Variants in FRMD4A observed in about 807,000 individuals in gnomAD.
The protein encoded by FRMD4A is FERM domain containing 4A.
FRMD4A carries 29 observed loss-of-function variants against 129.1 expected under a neutral mutation model. That is an observed-to-expected ratio of 0.22 (90% CI 0.17 to 0.31). FRMD4A has a LOEUF of 0.31. Among genes scored for constraint, FRMD4A ranks in the 10% least tolerant of loss-of-function variants. FRMD4A has a pLI of 1.00. For missense variants in FRMD4A, 1,272 were observed against 1,375.8 expected, an observed-to-expected ratio of 0.92 and a Z score of 1.19; for synonymous variants, 634 against 571.6, an observed-to-expected ratio of 1.11 and a Z score of -1.56.
intron 2 of FRMD4A, among the ~76,000 whole-genome samples, chr10:13,877,577 G>A (rs548766363): frequency 2.6e-5 from 4 of 152,338 alleles, no homozygotes; most frequent in South Asian, 4.1e-4. Flanking sequence ...TTGGGGACCC[G>A]TAGTGCTTCC....
intron 2 of FRMD4A, among the ~76,000 whole-genome samples, chr10:13,934,366 A>T (rs995315348): frequency 6.6e-6 from 1 of 152,214 alleles, no homozygotes; most frequent in African/African-American, 2.4e-5. Context: ...TCCTCCACAA[A>T]TGTCTACGGA....
intron 2 of FRMD4A, among the ~76,000 whole-genome samples, chr10:14,251,811 T>C (rs1353487482): frequency 6.6e-6 from 1 of 152,166 alleles, no homozygotes; most frequent in East Asian, 1.9e-4. Context: ...TGTCCCTTCA[T>C]TTTTTGATGG....
chr10:14,065,652 C>T (rs190699876), intron 2 of FRMD4A, among the ~76,000 whole-genome samples: 63 of 152,184 alleles, frequency 4.1e-4, no homozygotes, highest in African/African-American at 1.3e-3. Flanking sequence ...ACTAAAATAT[C>T]GAGAAACAGA....
chr10:14,307,167 A>G (rs1159938138), intron 2 of FRMD4A, among the ~76,000 whole-genome samples: 16 of 152,328 alleles, frequency 1.1e-4, no homozygotes, highest in Admixed American at 8.5e-4. Context: ...TTGAGAAAAC[A>G]TTTGCATTCA....
intron 12 of FRMD4A, among the ~76,000 whole-genome samples, chr10:13,715,131 A>G (rs529206321): frequency 6.6e-6 from 1 of 152,116 alleles, no homozygotes; most frequent in East Asian, 1.9e-4. Context: ...AGTATTCATG[A>G]CTCTTGTTTA....
chr10:13,645,313 A>AT lies in FRMD4A; in HGVS notation c.*1724_*1725insA, dbSNP rs1405050713. 6.6e-6 allele frequency: 1 copy of AT among 151,232 alleles called. No homozygotes were observed. The highest frequency in any genetic ancestry group is 6.6e-5 in the Admixed American group (1 of 15,202). The allele number at this position is 151,232 out of a possible 1,614,324, so 9.4% of individuals were successfully genotyped here. On this transcript the variant is annotated 3_prime_UTR_variant, in exon 25 of 25. Coordinates refer to ENST00000357447, the MANE Select transcript of FRMD4A (RefSeq NM_018027.5). ...ACCCTGGCTCCTGTCCCTGGCTGTC[A>AT]ATGCCTTTCCAATAGGAAGTCATTA...
chr10:13,742,345 C>A (rs535784207), intron 9 of FRMD4A, among the ~76,000 whole-genome samples: 1 of 152,258 alleles, frequency 6.6e-6, no homozygotes, highest in African/African-American at 2.4e-5. Context: ...CCCAACCCCA[C>A]CTGCTGAGGT....
At chr10:14,265,424 C>A (rs1844944349) in intron 2 of FRMD4A, among the ~76,000 whole-genome samples, 1 of 152,142 alleles carries the variant, frequency 6.6e-6, no homozygotes, top group Non-Finnish European at 1.5e-5. Flanking sequence ...CCATAAAGAT[C>A]CAAGGCTGAC....
intron 2 of FRMD4A, among the ~76,000 whole-genome samples, chr10:14,093,108 G>C (rs944076275): frequency 1.3e-5 from 2 of 152,170 alleles, no homozygotes; most frequent in Non-Finnish European, 2.9e-5. Context: ...GGGAGGTACA[G>C]AGGCCGTGGA....
At chr10:13,834,296 A>G (rs2093838853) in intron 3 of FRMD4A, among the ~76,000 whole-genome samples, 1 of 152,052 alleles carries the variant, frequency 6.6e-6, no homozygotes, top group East Asian at 1.9e-4. Context: ...ACAAAACAAA[A>G]ACCACCACCA....
intron 3 of FRMD4A, among the ~76,000 whole-genome samples, chr10:13,849,440 G>T (rs528932472): frequency 2.6e-5 from 4 of 151,526 alleles, no homozygotes; most frequent in East Asian, 3.9e-4. Context: ...CATGCACTTT[G>T]GGGGGGATTC....
At chr10:13,704,654 A>G (rs2087227165) in intron 13 of FRMD4A, among the ~76,000 whole-genome samples, 1 of 152,084 alleles carries the variant, frequency 6.6e-6, no homozygotes, top group Non-Finnish European at 1.5e-5. Context: ...TGTACAGTAT[A>G]GAGATAAAGG....
At chr10:13,696,146 G>T (rs745515694) in intron 14 of FRMD4A, among the ~76,000 whole-genome samples, 1 of 152,114 alleles carries the variant, frequency 6.6e-6, no homozygotes, top group Admixed American at 6.6e-5. Context: ...GAATTTCCTT[G>T]TTCATAAAAC....
Position 14,283,265 on chromosome 10 carries a change from C to T in FRMD4A, c.45+46793G>A, listed in dbSNP as rs143416597. 1.5e-3 allele frequency among the ~76,000 whole-genome samples: 228 copies of T among 152,274 alleles called. 1 individual carries two copies. Among genetic ancestry groups the T allele is most frequent in the African/African-American group, 5.3e-3 (222 of 41,558 alleles). On this transcript the variant is annotated intron_variant, in intron 2 of 24. Coordinates refer to ENST00000357447, the MANE Select transcript of FRMD4A (RefSeq NM_018027.5). The stretch of plus-strand genomic sequence containing the variant: ...TAGAAGCTAACTTTAGTAAGATTTC[C>T]AGGGTTAAAATGGTTTTGAATTGGA...
intron 6 of FRMD4A, among the ~76,000 whole-genome samples, chr10:13,765,592 C>G (rs539231266): frequency 6.6e-6 from 1 of 152,120 alleles, no homozygotes; most frequent in Non-Finnish European, 1.5e-5. Flanking sequence ...CTTAGAAGTA[C>G]GGGTTAAAAG....
chr10:14,248,895 G>A (rs1844337536), intron 2 of FRMD4A, among the ~76,000 whole-genome samples: 1 of 152,194 alleles, frequency 6.6e-6, no homozygotes, highest in South Asian at 2.1e-4. Context: ...GTTAAACTAA[G>A]TGAGACAGCA....
chr10:14,301,353 C>G (rs917781271), intron 2 of FRMD4A, among the ~76,000 whole-genome samples: 2 of 152,170 alleles, frequency 1.3e-5, no homozygotes, highest in South Asian at 4.1e-4. Flanking sequence ...GTTTTGAGAA[C>G]CCCTCAAACT....
Position 13,657,205 on chromosome 10 carries a change from G to A in FRMD4A, c.2384C>T (p.Ser795Leu), listed in dbSNP as rs1309738199. The A allele has an allele frequency of 6.5e-7, 1 of 1,540,776 alleles. No individual in the cohort carries two copies. Among genetic ancestry groups the A allele is most frequent in the Admixed American group, 1.9e-5 (1 of 51,862 alleles). The part of the protein sequence containing the change: ...QRQRAAGALG[S>L]ASSGSMPNLA... Reference sequence around the variant, plus strand: ...GTTGGGCATGCTGCCCGAGCTGGCTGAGCCCAGTGCGCCCGCCGCCCGCTG... The same window carrying A: ...GTTGGGCATGCTGCCCGAGCTGGCTAAGCCCAGTGCGCCCGCCGCCCGCTG... Residue 795 changes from serine (S) to leucine (L), a missense_variant, in exon 22 of 25, where the codon TCA becomes TTA. Coordinates refer to ENST00000357447, the MANE Select transcript of FRMD4A (RefSeq NM_018027.5).
chr10:13,960,344 A>G (rs757494439), intron 2 of FRMD4A, among the ~76,000 whole-genome samples: 1 of 152,216 alleles, frequency 6.6e-6, no homozygotes, highest in Non-Finnish European at 1.5e-5. Flanking sequence ...GTTAAGGAAT[A>G]TTGTTCTCTA....
Sources: allele counts gnomAD v4.1 joint callset (sites outside exome capture counted in the v4.1 genomes callset), GRCh38; gene constraint gnomAD v4.1.1; transcripts MANE v1.5; gene names NCBI Gene and HGNC (gene_info 2026-07-23, HGNC 2026-07-21).